ARHGEF9: variants seen among roughly 807,000 people sequenced by gnomAD.
ARHGEF9 encodes Cdc42 guanine nucleotide exchange factor 9.
Under a neutral mutation model 41.3 loss-of-function variants are expected in ARHGEF9, and 2 were observed. That is an observed-to-expected ratio of 0.05 (90% CI 0.02 to 0.15). ARHGEF9 has a LOEUF of 0.15. Ranked by LOEUF, ARHGEF9 falls within the 10% of genes least tolerant of loss-of-function variation. ARHGEF9 has a pLI of 1.00. For synonymous variants in ARHGEF9, 160 were observed against 154.4 expected (o/e 1.04, Z -0.27); for missense variants, 225 against 424.7 (o/e 0.53, Z 4.13).
intron 9 of ARHGEF9, chrX:63,641,282 G>A (rs2047611889): frequency 9.4e-6 from 1 of 106,663 alleles, no homozygotes; most frequent in Non-Finnish European, 1.9e-5. Flanking sequence ...AAACCAGGAG[G>A]CAGAGGTTGC....
At chrX:63,671,984 T>A (rs1156418277) in intron 6 of ARHGEF9, among the ~76,000 whole-genome samples, 1 of 112,146 alleles carries the variant, frequency 8.9e-6, no homozygotes, top group Non-Finnish European at 1.9e-5. Context: ...TACAAATTGC[T>A]ATAGGCTGAA....
chrX:63,692,522 G>A (rs187960859), intron 4 of ARHGEF9, among the ~76,000 whole-genome samples: 15 of 112,011 alleles, frequency 1.3e-4, no homozygotes, highest in Admixed American at 9.4e-4. Flanking sequence ...TCATCTCACC[G>A]CAGTTAGAAT....
intron 1 of ARHGEF9, among the ~76,000 whole-genome samples, chrX:63,735,280 C>T (rs1391351334): frequency 9.0e-6 from 1 of 111,367 alleles, no homozygotes; most frequent in Non-Finnish European, 1.9e-5. Context: ...GGAGCTTTAA[C>T]TTTTCCTGGA....
chrX:63,658,125 G>A, intron 7 of ARHGEF9: 1 of 112,022 alleles, frequency 8.9e-6, no homozygotes, highest in Non-Finnish European at 1.9e-5. Context: ...AGCATCAATT[G>A]AATCTCCTAT....
intron 4 of ARHGEF9, among the ~76,000 whole-genome samples, chrX:63,683,796 C>A (rs1200613876): frequency 9.0e-6 from 1 of 110,848 alleles, no homozygotes; most frequent in Admixed American, 9.6e-5. Flanking sequence ...TATCTATATG[C>A]AAAAGAACAA....
At chrX:63,752,347 C>T (rs1191902261) in intron 1 of ARHGEF9, among the ~76,000 whole-genome samples, 1 of 110,433 alleles carries the variant, frequency 9.1e-6, no homozygotes. Context: ...GGTCAAACAG[C>T]TGCTGAATGG....
At chrX:63,668,738 C>G (rs1556351768) in intron 6 of ARHGEF9, among the ~76,000 whole-genome samples, 1 of 112,325 alleles carries the variant, frequency 8.9e-6, no homozygotes, top group African/African-American at 3.2e-5. Context: ...CCATACCTAT[C>G]CTGTCTCCTA....
intron 4 of ARHGEF9, among the ~76,000 whole-genome samples, chrX:63,687,766 C>T (rs2051076133): frequency 9.2e-6 from 1 of 108,967 alleles, no homozygotes; most frequent in African/African-American, 3.3e-5. Context: ...ATTGATCAAG[C>T]AGAAGAAAGA....
At chrX:63,716,349 A>C (rs1368208414) in intron 2 of ARHGEF9, among the ~76,000 whole-genome samples, 1 of 111,223 alleles carries the variant, frequency 9.0e-6, no homozygotes, top group African/African-American at 3.3e-5. Flanking sequence ...TTCTTGGAGT[A>C]TATCTGTTCC....
intron 4 of ARHGEF9, among the ~76,000 whole-genome samples, chrX:63,686,494 A>T (rs1417149039): frequency 9.0e-6 from 1 of 111,194 alleles, no homozygotes; most frequent in Non-Finnish European, 1.9e-5. Context: ...GTACCCTAAA[A>T]CCCGACTTGA....
intron 1 of ARHGEF9, among the ~76,000 whole-genome samples, chrX:63,760,349 G>T (rs2056012589): frequency 9.0e-6 from 1 of 111,026 alleles, no homozygotes; most frequent in Non-Finnish European, 1.9e-5. Context: ...ATGTTCATGG[G>T]TATCATCTCT....
At chrX:63,640,371 C>G (rs2047546279) in intron 9 of ARHGEF9, 1 of 112,018 alleles carries the variant, frequency 8.9e-6, no homozygotes, top group Middle Eastern at 4.2e-3. Context: ...GTTACTGTAA[C>G]TATATAATGA....
intron 1 of ARHGEF9, among the ~76,000 whole-genome samples, chrX:63,746,046 C>T (rs781819520): frequency 8.9e-6 from 1 of 112,262 alleles, no homozygotes; most frequent in Admixed American, 9.4e-5. Flanking sequence ...TGGAAGCTGA[C>T]GCCTAGGTGG....
intron 7 of ARHGEF9, among the ~76,000 whole-genome samples, chrX:63,665,518 T>C (rs782231274): frequency 1.1e-4 from 12 of 112,783 alleles, no homozygotes; most frequent in Non-Finnish European, 2.3e-4. Flanking sequence ...TGAGGGAAAG[T>C]GCTCAGGGAA....
chrX:63,654,213 T>C (rs2048742852), intron 8 of ARHGEF9, among the ~76,000 whole-genome samples: 1 of 109,342 alleles, frequency 9.1e-6, no homozygotes, highest in African/African-American at 3.3e-5. Flanking sequence ...GTTCAGAAAG[T>C]AATTTCTAGA....
chrX:63,713,701 T>TACACACACACACACACAC (rs59012226), intron 2 of ARHGEF9, among the ~76,000 whole-genome samples: 2 of 94,291 alleles, frequency 2.1e-5, no homozygotes, highest in African/African-American at 8.0e-5. Context: ...CCACTTCACA[T>TACACACACACACACACAC]ACACACACAC....
chrX:63,705,322 A>T (rs1268989246), intron 3 of ARHGEF9, among the ~76,000 whole-genome samples: 57 of 108,038 alleles, frequency 5.3e-4, no homozygotes, highest in East Asian at 2.9e-4. Flanking sequence ...TTCAATGCAG[A>T]GTTTTCCGAG....
chrX:63,654,601 G>A (rs781934929), intron 8 of ARHGEF9, among the ~76,000 whole-genome samples: 6 of 111,587 alleles, frequency 5.4e-5, no homozygotes, highest in Non-Finnish European at 7.5e-5. Context: ...AATTTCAATC[G>A]CCCACATGGA....
intron 1 of ARHGEF9, among the ~76,000 whole-genome samples, chrX:63,743,145 G>C (rs2055059843): frequency 8.9e-6 from 1 of 111,753 alleles, no homozygotes; most frequent in Admixed American, 9.5e-5. Context: ...GGAGGTTGCA[G>C]TGAGCTGAGA....
Sources: gnomAD v4.1 joint callset for allele counts (sites outside exome capture counted in the v4.1 genomes callset) on GRCh38, gnomAD v4.1.1 for gene constraint, MANE v1.5 for transcripts, NCBI Gene and HGNC (gene_info 2026-07-23, HGNC 2026-07-21) for gene names.